TMCC2: variants seen among roughly 807,000 people sequenced by gnomAD.
The protein encoded by TMCC2 is transmembrane and coiled-coil domains protein 2.
A neutral mutation model predicts 49.4 loss-of-function variants in TMCC2; 16 were observed. That is an observed-to-expected ratio of 0.32 (90% CI 0.22 to 0.49). The LOEUF (loss-of-function observed/expected upper bound fraction) is 0.49. TMCC2 is among the 20% of genes least tolerant of loss of function. TMCC2 has a pLI of 0.99. For synonymous variants in TMCC2, 397 were observed against 434.1 expected (o/e 0.91, Z 1.06); for missense variants, 762 against 989.8 (o/e 0.77, Z 3.09).
intron 2 of TMCC2, chr1:205,257,067 C>A: frequency 1.2e-6 from 1 of 838,002 alleles, no homozygotes; most frequent in Non-Finnish European, 1.5e-6. Context: ...GGCATCTCAT[C>A]AGAGCTCGGT....
intron 3 of TMCC2, 43 bp from the exon 4 acceptor site, chr1:205,271,077 C>T: frequency 6.2e-7 from 1 of 1,605,384 alleles, no homozygotes; most frequent in Middle Eastern, 2.3e-4. Flanking sequence ...AGAGTGGAAG[C>T]TCGGGGAGCC....
Position 205,232,962 on chromosome 1 carries a change from A to C in TMCC2, c.207+4191A>C, listed in dbSNP as rs1305324733. Reference sequence around the variant, plus strand: ...AAAAAAAAAAAAAAAAAAAAAAAACACAAAAAAACACACACACAAAAAACA... The same window carrying C: ...AAAAAAAAAAAAAAAAAAAAAAAACCCAAAAAAACACACACACAAAAAACA... On this transcript the variant is annotated intron_variant, in intron 1 of 4. Transcript: ENST00000358024. Among the ~76,000 whole-genome samples the C allele has an allele frequency of 4.0e-5, 4 of 99,126 alleles. No individual in the cohort carries two copies. In the East Asian group the frequency reaches 1.5e-3, roughly 37 times the overall value. 65.0% of individuals were successfully genotyped at this position (99,126 alleles called of 152,430 possible). A position where few individuals can be genotyped will look rare whatever the true frequency, so the allele number is the denominator to read the frequency against.
intron 1 of TMCC2, among the ~76,000 whole-genome samples, chr1:205,237,173 C>T (rs1198776703): frequency 6.6e-6 from 1 of 152,162 alleles, no homozygotes; most frequent in Non-Finnish European, 1.5e-5. Flanking sequence ...CTGTGATCAT[C>T]AGCGCCAAAC....
At chr1:205,244,843 GT>G (rs773156078) in intron 2 of TMCC2, among the ~76,000 whole-genome samples, 4 of 152,034 alleles carry the variant, frequency 2.6e-5, no homozygotes, top group Non-Finnish European at 4.4e-5. Flanking sequence ...GGAGATGGGG[GT>G]ACTGAGGGAA....
chr1:205,257,352 A>G, intron 2 of TMCC2: 1 of 1,232,186 alleles, frequency 8.1e-7, no homozygotes, highest in Non-Finnish European at 1.0e-6. Context: ...GCTTCGGGAA[A>G]CAGTGCCCAC....
rs1205636302 is a variant in TMCC2 at position 205,241,984 on chromosome 1, G to C, written c.687G>C (p.Leu229=). 39 of 1,610,020 alleles carry C rather than the reference G, an allele frequency of 2.4e-5. No individual in the cohort carries two copies. Among genetic ancestry groups the C allele is most frequent in the Non-Finnish European group, 3.1e-5 (37 of 1,179,200 alleles). Residue 229 remains leucine, a synonymous_variant, in exon 2 of 5, where the codon CTG becomes CTC. Coordinates refer to ENST00000358024, the MANE Select transcript of TMCC2 (RefSeq NM_014858.4). This position sits in a 1 kb window ranked among gnomAD's most constrained non-coding sequence, Gnocchi z 7.3. ...RSSSTTDTAL[L]LADGSNVYLL... Reference sequence around the variant, plus strand: ...CCTCCACCACCGACACTGCTCTGCTGCTGGCCGACGGCAGCAACGTGTACC... The same window carrying C: ...CCTCCACCACCGACACTGCTCTGCTCCTGGCCGACGGCAGCAACGTGTACC...
chr1:205,269,442 T>C lies in TMCC2; in HGVS notation c.1240T>C (p.Ser414Pro). ...EGVKGSLSGL[S>P]QATHTAVVSK... Reference sequence around the variant, plus strand: ...CGTCAAGGGCAGCCTCTCTGGCCTCTCACAGGCCACCCACACCGCCGTGGT... The same window carrying C: ...CGTCAAGGGCAGCCTCTCTGGCCTCCCACAGGCCACCCACACCGCCGTGGT... Residue 414 changes from serine (S) to proline (P), a missense_variant, in exon 3 of 5, where the codon TCA becomes CCA. Ser to Pro is a moderately conservative substitution (Grantham distance 74, BLOSUM62 -1). Coordinates refer to ENST00000358024, the MANE Select transcript of TMCC2 (RefSeq NM_014858.4). 1.9e-6 allele frequency: 3 copies of C among 1,606,116 alleles called. No homozygotes were observed. The highest frequency in any genetic ancestry group is 2.6e-6 in the Non-Finnish European group (3 of 1,174,576).
intron 2 of TMCC2, 117 bp downstream of exon 2, chr1:205,242,161 C>T (rs1411868054): frequency 2.5e-5 from 29 of 1,154,834 alleles, no homozygotes; most frequent in South Asian, 2.3e-4. Flanking sequence ...GACACCCCAC[C>T]GTCTGCAGAG....
At chr1:205,266,759 C>T (rs189825765) in intron 2 of TMCC2, among the ~76,000 whole-genome samples, 4 of 152,202 alleles carry the variant, frequency 2.6e-5, no homozygotes, top group African/African-American at 7.2e-5. Context: ...GATTCAGATT[C>T]AGCGTTTAAT....
chr1:205,240,313 G>T (rs116528606), intron 1 of TMCC2, among the ~76,000 whole-genome samples: 2 of 152,256 alleles, frequency 1.3e-5, no homozygotes, highest in Non-Finnish European at 2.9e-5. Context: ...CAGTCTTGCC[G>T]GAAGAGCAGC....
chr1:205,242,682 G>C (rs1660319526), intron 2 of TMCC2, among the ~76,000 whole-genome samples: 1 of 152,204 alleles, frequency 6.6e-6, no homozygotes, highest in African/African-American at 2.4e-5. Flanking sequence ...CAGTGTTGCT[G>C]TCCTTGTGGA....
At chr1:205,267,877 C>T (rs1201018068) in intron 2 of TMCC2, 1 of 985,358 alleles carries the variant, frequency 1.0e-6, no homozygotes, top group African/African-American at 1.7e-5. Context: ...GCCTCAGGCC[C>T]CCAAACTGGT....
intron 2 of TMCC2, among the ~76,000 whole-genome samples, chr1:205,244,817 A>G (rs928132210): frequency 3.0e-4 from 45 of 152,030 alleles, no homozygotes; most frequent in African/African-American, 9.7e-4. Flanking sequence ...GAGAAGGCTG[A>G]TGAATGTGGA....
chr1:205,267,673 C>T (rs1429599820), intron 2 of TMCC2, among the ~76,000 whole-genome samples: 1 of 152,172 alleles, frequency 6.6e-6, no homozygotes, highest in African/African-American at 2.4e-5. Context: ...TCCCATCTTT[C>T]CTATCTCCTG....
At chr1:205,263,870 G>A (rs919591013) in intron 2 of TMCC2, among the ~76,000 whole-genome samples, 9 of 152,194 alleles carry the variant, frequency 5.9e-5, no homozygotes, top group African/African-American at 2.2e-4. Flanking sequence ...CTGTGGATCT[G>A]TCAGAGCTAC....
At chr1:205,261,678 C>CAA (rs200199840) in intron 2 of TMCC2, among the ~76,000 whole-genome samples, 2,019 of 143,674 alleles carry the variant, frequency 0.014, 16 homozygotes, top group Non-Finnish European at 0.022. Context: ...GAACCCGTCT[C>CAA]AAAAAAAAAA....
chr1:205,235,962 G>T (rs769611052), intron 1 of TMCC2, among the ~76,000 whole-genome samples: 1 of 151,680 alleles, frequency 6.6e-6, no homozygotes, highest in African/African-American at 2.4e-5. Flanking sequence ...CTAGCTGCTC[G>T]GGAGGCTGAG....
intron 2 of TMCC2, chr1:205,256,540 A>T: frequency 9.9e-7 from 1 of 1,013,824 alleles, no homozygotes. Flanking sequence ...GATTTCTGGG[A>T]CAGGATCTCA....
Position 205,229,519 on chromosome 1 carries a change from GCT to G in TMCC2, c.207+750_207+751del, listed in dbSNP as rs1393251286. 1.9e-5 allele frequency: 11 copies of G among 573,842 alleles called. No individual in the cohort carries two copies. The South Asian group carries it at 2.5e-4, about 13-fold the overall frequency. 35.5% of individuals were successfully genotyped at this position (573,842 alleles called of 1,614,324 possible). A position where few individuals can be genotyped will look rare whatever the true frequency, so the allele number is the denominator to read the frequency against. On this transcript the variant is annotated intron_variant, in intron 1 of 4. Coordinates refer to ENST00000358024, the MANE Select transcript of TMCC2 (RefSeq NM_014858.4). ...ATCTTTGAGCGCTTTCCTGGATGAA[GCT>G]CAGTTTGCCGATCTGTGAAGGGGCG...
Sources: gnomAD v4.1 joint callset for allele counts (sites outside exome capture counted in the v4.1 genomes callset) on GRCh38, gnomAD v4.1.1 for gene constraint, Gnocchi (gnomAD v3.1) non-coding constraint, MANE v1.5 for transcripts, NCBI Gene and HGNC (gene_info 2026-07-23, HGNC 2026-07-21) for gene names.